ANO10: variants seen among roughly 807,000 people sequenced by gnomAD.
ANO10 encodes anoctamin 10.
In ANO10, 77 loss-of-function variants were observed where a neutral mutation model predicts 74.7. The observed-to-expected ratio is 1.03, with a 90% confidence interval of 0.86 to 1.25. ANO10 has a LOEUF of 1.25. Ranked by LOEUF, ANO10 falls within the 50% of genes most tolerant of loss-of-function variation. The pLI is 0.00. For missense variants in ANO10, 721 were observed against 778.1 expected, an observed-to-expected ratio of 0.93 and a Z score of 0.87; for synonymous variants, 279 against 284.9, an observed-to-expected ratio of 0.98 and a Z score of 0.21.
chr3:43,609,155 T>C (rs1159714357), intron 1 of ANO10, among the ~76,000 whole-genome samples: 1 of 152,208 alleles, frequency 6.6e-6, no homozygotes, highest in Non-Finnish European at 1.5e-5. Flanking sequence ...GAAGTTACTT[T>C]GTTAAGCTCA....
At chr3:43,620,754 G>A (rs1666059730) in intron 1 of ANO10, among the ~76,000 whole-genome samples, 1 of 152,222 alleles carries the variant, frequency 6.6e-6, no homozygotes, top group African/African-American at 2.4e-5. Context: ...GACAGAGCAA[G>A]ACTCCGTCTC....
At chr3:43,468,714 CTT>C (rs202046317) in intron 11 of ANO10, among the ~76,000 whole-genome samples, 19 of 141,300 alleles carry the variant, frequency 1.3e-4, no homozygotes, top group East Asian at 2.1e-4. Flanking sequence ...TTTTTGTTTT[CTT>C]TTTTTTTTTT....
chr3:43,399,933 G>GA (rs1342911421), intron 12 of ANO10, among the ~76,000 whole-genome samples: 1 of 152,048 alleles, frequency 6.6e-6, no homozygotes, highest in African/African-American at 2.4e-5. Flanking sequence ...GGAAGTTAAT[G>GA]AACTGCCCAG....
At chr3:43,463,607 A>C (rs2149033525) in intron 11 of ANO10, among the ~76,000 whole-genome samples, 1 of 152,262 alleles carries the variant, frequency 6.6e-6, no homozygotes, top group Middle Eastern at 3.4e-3. Context: ...AATTTCTCCC[A>C]TTTGGAATGG....
chr3:43,611,491 A>G (rs1290882430), intron 1 of ANO10, among the ~76,000 whole-genome samples: 1 of 152,184 alleles, frequency 6.6e-6, no homozygotes, highest in Non-Finnish European at 1.5e-5. Flanking sequence ...AACTATTAGA[A>G]TTGATTAAGA....
intron 12 of ANO10, among the ~76,000 whole-genome samples, chr3:43,412,913 T>C (rs755803598): frequency 1.8e-4 from 28 of 152,132 alleles, no homozygotes; most frequent in Admixed American, 1.3e-3. Flanking sequence ...TAGCCAGGCA[T>C]GGTGGCACAC....
At chr3:43,628,225 A>G (rs916701483) in intron 1 of ANO10, among the ~76,000 whole-genome samples, 3 of 152,234 alleles carry the variant, frequency 2.0e-5, no homozygotes, top group East Asian at 3.8e-4. Context: ...GCAGAAGAAC[A>G]TGGATTGTGA....
At chr3:43,439,861 G>A (rs1180027095) in intron 11 of ANO10, among the ~76,000 whole-genome samples, 1 of 152,120 alleles carries the variant, frequency 6.6e-6, no homozygotes, top group East Asian at 1.9e-4. Context: ...CAGCCTGAGT[G>A]ACAGAGTGAG....
intron 11 of ANO10, among the ~76,000 whole-genome samples, chr3:43,522,862 G>A (rs1203035875): frequency 6.6e-6 from 1 of 152,192 alleles, no homozygotes; most frequent in East Asian, 1.9e-4. Flanking sequence ...TGTCAGCTGA[G>A]TGGATTCTGC....
At chr3:43,381,573 T>A (rs187946331) in intron 12 of ANO10, among the ~76,000 whole-genome samples, 62 of 152,120 alleles carry the variant, frequency 4.1e-4, no homozygotes, top group Middle Eastern at 3.4e-3. Flanking sequence ...TATAAAACAA[T>A]TACTCCTAGA....
At chr3:43,603,575 T>C (rs936769033) in intron 2 of ANO10, among the ~76,000 whole-genome samples, 1 of 152,218 alleles carries the variant, frequency 6.6e-6, no homozygotes, top group Non-Finnish European at 1.5e-5. Context: ...GAATAGTCTG[T>C]TGCTTTTATC....
At chr3:43,508,021 C>A (rs1346034809) in intron 11 of ANO10, among the ~76,000 whole-genome samples, 1 of 151,842 alleles carries the variant, frequency 6.6e-6, no homozygotes, top group African/African-American at 2.4e-5. Flanking sequence ...TAATACTTTA[C>A]AATATTTTTC....
chr3:43,430,784 T>C (rs542542668), intron 12 of ANO10, among the ~76,000 whole-genome samples: 3 of 152,220 alleles, frequency 2.0e-5, no homozygotes, highest in Non-Finnish European at 1.5e-5. Context: ...GATGTTTATT[T>C]TGATATATTT....
At chr3:43,557,707 C>T (rs1357483341) in intron 9 of ANO10, among the ~76,000 whole-genome samples, 5 of 144,768 alleles carry the variant, frequency 3.5e-5, no homozygotes, top group Non-Finnish European at 7.5e-5. Context: ...TGCACTCCAG[C>T]CTGGGCAACA....
chr3:43,658,213 G>T (rs568523775), intron 1 of ANO10, among the ~76,000 whole-genome samples: 49 of 122,042 alleles, frequency 4.0e-4, no homozygotes, highest in African/African-American at 2.1e-3. Context: ...GTATCTTAAA[G>T]AAGTATTTTT....
intron 12 of ANO10, among the ~76,000 whole-genome samples, chr3:43,412,779 C>T (rs538658449): frequency 8.5e-5 from 13 of 152,194 alleles, no homozygotes; most frequent in African/African-American, 2.9e-4. Flanking sequence ...GGCTGGGCAC[C>T]GTGGCTCACG....
intron 11 of ANO10, among the ~76,000 whole-genome samples, chr3:43,472,895 T>G (rs1039587548): frequency 1.3e-5 from 2 of 152,234 alleles, no homozygotes; most frequent in African/African-American, 4.8e-5. Context: ...AGTTCATTTT[T>G]TAAAAAGTTG....
chr3:43,407,872 G>T, intron 12 of ANO10, among the ~76,000 whole-genome samples: 1 of 152,186 alleles, frequency 6.6e-6, no homozygotes, highest in Non-Finnish European at 1.5e-5. Context: ...GAGCCCACGT[G>T]GGGCTTTGCA....
At chr3:43,497,026 G>C (rs2149134733) in intron 11 of ANO10, among the ~76,000 whole-genome samples, 1 of 152,290 alleles carries the variant, frequency 6.6e-6, no homozygotes, top group African/African-American at 2.4e-5. Context: ...TATGGGGATA[G>C]GGGATGGGAC....
Sources: allele counts gnomAD v4.1 joint callset (sites outside exome capture counted in the v4.1 genomes callset), GRCh38; gene constraint gnomAD v4.1.1; transcripts MANE v1.5; gene names NCBI Gene and HGNC (gene_info 2026-07-23, HGNC 2026-07-21).